SMYD1: variants seen among roughly 807,000 people sequenced by gnomAD.
The protein encoded by SMYD1 is SET and MYND domain containing 1, also known as histone-lysine N-methyltransferase SMYD1.
SMYD1 carries 49 observed loss-of-function variants against 54.0 expected under a neutral mutation model. The ratio of observed to expected loss-of-function variants is 0.91; its 90% CI spans 0.72 to 1.15. SMYD1 has a LOEUF of 1.15. Ranked by LOEUF, SMYD1 falls within the 50% of genes most tolerant of loss-of-function variation. The pLI, the probability that SMYD1 is intolerant of heterozygous loss-of-function variation, is 0.00. For missense variants in SMYD1, 653 were observed against 639.6 expected, an observed-to-expected ratio of 1.02 and a Z score of -0.23; for synonymous variants, 269 against 234.2, an observed-to-expected ratio of 1.15 and a Z score of -1.36.
intron 1 of SMYD1, among the ~76,000 whole-genome samples, chr2:88,080,386 T>A (rs1372906384): frequency 6.6e-6 from 1 of 152,154 alleles, no homozygotes; most frequent in African/African-American, 2.4e-5. Context: ...GAAATATGAA[T>A]GTGTGAATAT....
chr2:88,091,179 G>C (rs146539742), intron 4 of SMYD1, 37 bp downstream of exon 4: 1 of 1,601,166 alleles, frequency 6.2e-7, no homozygotes, highest in South Asian at 1.1e-5. Context: ...GTGTGAAGGG[G>C]ATGGGGAGAC....
At chr2:88,073,154 A>G (rs1421117579) in intron 1 of SMYD1, among the ~76,000 whole-genome samples, 2 of 152,166 alleles carry the variant, frequency 1.3e-5, no homozygotes, top group Non-Finnish European at 2.9e-5. Context: ...AAATGAAAAC[A>G]TGTTATTTGG....
chr2:88,102,954 C>T, intron 6 of SMYD1, 104 bp from the exon 7 acceptor site: 1 of 826,962 alleles, frequency 1.2e-6, no homozygotes, highest in Non-Finnish European at 2.0e-6. Context: ...ATGAGGAAGA[C>T]ATTAACCTTG....
intron 4 of SMYD1, 127 bp from the exon 5 acceptor site, chr2:88,093,390 G>A (rs1674504893): frequency 2.7e-6 from 3 of 1,095,784 alleles, no homozygotes; most frequent in Non-Finnish European, 4.2e-6. Flanking sequence ...AAGGGGCTAG[G>A]ATAAAGGTTA....
chr2:88,068,138 A>G (rs1416644724), intron 1 of SMYD1, 137 bp downstream of exon 1: 12 of 1,248,024 alleles, frequency 9.6e-6, no homozygotes, highest in Non-Finnish European at 1.3e-5. Flanking sequence ...CACTTCTGAG[A>G]GCTAATTTTT....
intron 6 of SMYD1, among the ~76,000 whole-genome samples, chr2:88,102,056 G>A (rs1367015794): frequency 6.6e-6 from 1 of 151,952 alleles, no homozygotes; most frequent in African/African-American, 2.4e-5. Flanking sequence ...GTGGGTTCTA[G>A]GGATTTCTTT....
intron 5 of SMYD1, 81 bp from the exon 6 acceptor site, chr2:88,096,514 A>T: frequency 7.9e-7 from 1 of 1,258,520 alleles, no homozygotes. Context: ...TTGAGACCCA[A>T]CTCCATGAAG....
chr2:88,093,561 T>C lies in SMYD1; in HGVS notation c.698+6T>C. ...ATGTTTCATACCCAGATGAGGTGGGTCAGTCCTTTCAAGCATCCCTGCTCC... is the reference window on the plus strand; with the variant it reads ...ATGTTTCATACCCAGATGAGGTGGGCCAGTCCTTTCAAGCATCCCTGCTCC... On this transcript the variant is annotated splice_donor_region_variant and intron_variant, in intron 5 of 9. Coordinates refer to ENST00000419482, the MANE Select transcript of SMYD1 (RefSeq NM_198274.4). The C allele has an allele frequency of 1.2e-6, 2 of 1,614,130 alleles. No individual in the cohort carries two copies. The highest frequency in any genetic ancestry group is 1.6e-4 in the Middle Eastern group (1 of 6,062).
chr2:88,095,019 T>G (rs1674548200), intron 5 of SMYD1, among the ~76,000 whole-genome samples: 1 of 152,168 alleles, frequency 6.6e-6, no homozygotes, highest in South Asian at 2.1e-4. Context: ...GGCTACTATG[T>G]TGAGGACAAT....
chr2:88,098,706 G>A (rs1674656695), intron 6 of SMYD1, among the ~76,000 whole-genome samples: 1 of 152,176 alleles, frequency 6.6e-6, no homozygotes. Flanking sequence ...AAACATCTGA[G>A]CTTGGCCAAG....
chr2:88,095,751 T>C (rs942837326), intron 5 of SMYD1, among the ~76,000 whole-genome samples: 3 of 152,164 alleles, frequency 2.0e-5, no homozygotes, highest in South Asian at 4.1e-4. Flanking sequence ...TGTCTGGCCT[T>C]GTGGTGGAGG....
Position 88,110,667 on chromosome 2 carries a change from T to G in SMYD1, c.*155T>G. Reference sequence around the variant, plus strand: ...CTGCCCTATGTTTCCCAGAGCCATTTTGGCTCAATTCAAGTCTATTCAATT... The same window carrying G: ...CTGCCCTATGTTTCCCAGAGCCATTGTGGCTCAATTCAAGTCTATTCAATT... On this transcript the variant is annotated 3_prime_UTR_variant, in exon 10 of 10. Coordinates refer to ENST00000419482, the MANE Select transcript of SMYD1 (RefSeq NM_198274.4). 1 of 972,328 alleles carries G rather than the reference T, an allele frequency of 1.0e-6. No individual in the cohort carries two copies. Among genetic ancestry groups the G allele is most frequent in the Non-Finnish European group, 1.4e-6 (1 of 689,982 alleles). The allele number at this position is 972,328 out of a possible 1,614,324, so 60.2% of individuals were successfully genotyped here. A position where few individuals can be genotyped will look rare whatever the true frequency, so the allele number is the denominator to read the frequency against.
At chr2:88,087,835 G>T (rs201669603) in intron 2 of SMYD1, 27 bp from the exon 3 acceptor site, 1 of 1,522,588 alleles carries the variant, frequency 6.6e-7, no homozygotes, top group African/African-American at 1.4e-5. Flanking sequence ...CAGCTGTAGT[G>T]GCCTCCTGAC....
chr2:88,072,489 C>T (rs375801125), intron 1 of SMYD1, among the ~76,000 whole-genome samples: 6 of 152,164 alleles, frequency 3.9e-5, no homozygotes, highest in African/African-American at 1.4e-4. Context: ...TTGTAAGACA[C>T]AAAATGTCCC....
At chr2:88,084,263 G>T (rs2103988736) in intron 1 of SMYD1, 53 bp from the exon 2 acceptor site, 3 of 1,477,088 alleles carry the variant, frequency 2.0e-6, no homozygotes, top group Non-Finnish European at 2.8e-6. Context: ...ACTGGCTGCA[G>T]GGTGCCCTTT....
intron 8 of SMYD1, among the ~76,000 whole-genome samples, chr2:88,107,332 A>G (rs1674900529): frequency 6.6e-6 from 1 of 152,218 alleles, no homozygotes; most frequent in Non-Finnish European, 1.5e-5. Flanking sequence ...TTTCTTTGAG[A>G]GGATGTTAGT....
intron 6 of SMYD1, among the ~76,000 whole-genome samples, chr2:88,097,101 A>G (rs1251883667): frequency 6.6e-6 from 1 of 152,248 alleles, no homozygotes; most frequent in Non-Finnish European, 1.5e-5. Flanking sequence ...TGGCATACGG[A>G]GTAGACACTG....
At chr2:88,089,071 G>A (rs975102350) in intron 3 of SMYD1, among the ~76,000 whole-genome samples, 1 of 152,216 alleles carries the variant, frequency 6.6e-6, no homozygotes, top group Non-Finnish European at 1.5e-5. Flanking sequence ...TTTGGCTCAC[G>A]CAATGGTGGA....
chr2:88,100,462 A>T (rs1323177349), intron 6 of SMYD1, among the ~76,000 whole-genome samples: 1 of 152,186 alleles, frequency 6.6e-6, no homozygotes, highest in Non-Finnish European at 1.5e-5. Flanking sequence ...TTTAAAGATA[A>T]TAGAATTTAC....
Sources: gnomAD v4.1 joint callset for allele counts (sites outside exome capture counted in the v4.1 genomes callset) on GRCh38, gnomAD v4.1.1 for gene constraint, MANE v1.5 for transcripts, NCBI Gene and HGNC (gene_info 2026-07-23, HGNC 2026-07-21) for gene names.